UNC79: variants seen among roughly 807,000 people sequenced by gnomAD.
The protein encoded by UNC79 is protein unc-79 homolog.
In UNC79, 37 loss-of-function variants were observed where a neutral mutation model predicts 283.1. The ratio of observed to expected loss-of-function variants is 0.13; its 90% confidence interval spans 0.10 to 0.17. The LOEUF (loss-of-function observed/expected upper bound fraction) is 0.17. UNC79 is among the 10% of genes least tolerant of loss of function. The pLI, the probability that UNC79 is intolerant of heterozygous loss-of-function variation, is 1.00. For synonymous variants in UNC79, 1,107 were observed against 1,200.2 expected (o/e 0.92, Z 1.61); for missense variants, 2,272 against 3,211.1 (o/e 0.71, Z 7.07).
chr14:93,677,781 C>G (rs1416000974), intron 41 of UNC79, among the ~76,000 whole-genome samples: 1 of 152,164 alleles, frequency 6.6e-6, no homozygotes, highest in African/African-American at 2.4e-5. Flanking sequence ...TCCTGAGTAG[C>G]TGGGACTACA....
At chr14:93,357,675 CCATATA>C (rs1379095011) in intron 1 of UNC79, among the ~76,000 whole-genome samples, 4 of 37,408 alleles carry the variant, frequency 1.1e-4, no homozygotes, top group African/African-American at 1.7e-4. Context: ...TAATAAACTC[CCATATA>C]TATATATATA....
At chr14:93,585,252 G>A (rs539204781) in intron 20 of UNC79, among the ~76,000 whole-genome samples, 1 of 152,152 alleles carries the variant, frequency 6.6e-6, no homozygotes, top group African/African-American at 2.4e-5. Flanking sequence ...TGCTCTGCAG[G>A]CCTTAAGACC....
At chr14:93,504,947 A>G (rs1343527518) in intron 7 of UNC79, among the ~76,000 whole-genome samples, 1 of 151,956 alleles carries the variant, frequency 6.6e-6, no homozygotes, top group African/African-American at 2.4e-5. Flanking sequence ...TCTTTGACCC[A>G]TGGGTCATTT....
intron 1 of UNC79, chr14:93,464,677 A>G: frequency 2.3e-6 from 1 of 442,958 alleles, no homozygotes; most frequent in South Asian, 1.6e-5. Flanking sequence ...TAGAAGAAGG[A>G]GCTTACTAGA....
At chr14:93,408,528 G>A (rs7143427) in intron 1 of UNC79, among the ~76,000 whole-genome samples, 107,439 of 152,020 alleles carry the variant, frequency 0.71, 38,436 homozygotes, top group Middle Eastern at 0.78. Context: ...CCCTGTCTCT[G>A]CAAAAAATAA....
At chr14:93,589,850 G>T (rs1309707489) in intron 22 of UNC79, among the ~76,000 whole-genome samples, 1 of 152,088 alleles carries the variant, frequency 6.6e-6, no homozygotes, top group African/African-American at 2.4e-5. Flanking sequence ...ATCACTTAAG[G>T]CCAGGAGTTT....
At chr14:93,376,515 T>C (rs2139978028) in intron 1 of UNC79, among the ~76,000 whole-genome samples, 1 of 152,296 alleles carries the variant, frequency 6.6e-6, no homozygotes, top group East Asian at 1.9e-4. Context: ...TAGCTATGTG[T>C]GTGTGTATGT....
intron 1 of UNC79, among the ~76,000 whole-genome samples, chr14:93,345,471 A>C (rs925792857): frequency 3.9e-5 from 6 of 152,262 alleles, no homozygotes; most frequent in African/African-American, 1.4e-4. Flanking sequence ...AACTTTTTAA[A>C]AGTTCAGATT....
At chr14:93,394,527 C>G (rs1350970130) in intron 1 of UNC79, among the ~76,000 whole-genome samples, 1 of 151,642 alleles carries the variant, frequency 6.6e-6, no homozygotes, top group Non-Finnish European at 1.5e-5. Context: ...TCTCCTGCCT[C>G]AGCCTCCTGA....
At chr14:93,362,724 T>G (rs956764310) in intron 1 of UNC79, among the ~76,000 whole-genome samples, 4 of 152,238 alleles carry the variant, frequency 2.6e-5, no homozygotes, top group Non-Finnish European at 4.4e-5. Flanking sequence ...GGAGGTTGTC[T>G]GTTTCCAGGA....
chr14:93,448,233 G>T, intron 1 of UNC79, among the ~76,000 whole-genome samples: 2 of 141,964 alleles, frequency 1.4e-5, no homozygotes, highest in Non-Finnish European at 1.5e-5. Context: ...ACTTTCTATT[G>T]GTCTGTTTTC....
At chr14:93,451,750 G>A (rs76423751) in intron 1 of UNC79, among the ~76,000 whole-genome samples, 2,967 of 152,198 alleles carry the variant, frequency 0.019, 52 homozygotes, top group South Asian at 0.075. Flanking sequence ...TGTTGCTGCC[G>A]TTTCTGTGCC....
At chr14:93,368,943 A>G (rs1292408037) in intron 1 of UNC79, among the ~76,000 whole-genome samples, 1 of 152,218 alleles carries the variant, frequency 6.6e-6, no homozygotes, top group African/African-American at 2.4e-5. Context: ...AAGGCATTCA[A>G]TGTTTATTTA....
chr14:93,623,336 A>G (rs937877359), intron 30 of UNC79, among the ~76,000 whole-genome samples: 1 of 152,244 alleles, frequency 6.6e-6, no homozygotes, highest in Admixed American at 6.5e-5. Context: ...GATTGTAGAT[A>G]CTAACCAAAT....
chr14:93,466,718 G>T (rs760128766), intron 1 of UNC79, among the ~76,000 whole-genome samples: 2 of 152,128 alleles, frequency 1.3e-5, no homozygotes, highest in Non-Finnish European at 2.9e-5. Context: ...CACCTAAAAG[G>T]CTCCCTTAAA....
chr14:93,462,707 G>A (rs374060405), intron 1 of UNC79, among the ~76,000 whole-genome samples: 1 of 152,182 alleles, frequency 6.6e-6, no homozygotes, highest in East Asian at 1.9e-4. Flanking sequence ...GTAATGGATT[G>A]GATTAGAGGA....
intron 32 of UNC79, 158 bp downstream of exon 35, chr14:93,637,457 C>A: frequency 1.5e-6 from 2 of 1,302,376 alleles, no homozygotes; most frequent in Non-Finnish European, 2.1e-6. Flanking sequence ...TGCGTGACAT[C>A]TCATCTTTGA....
chr14:93,654,510 G>A (rs1010663067), intron 37 of UNC79, among the ~76,000 whole-genome samples: 2 of 151,208 alleles, frequency 1.3e-5, no homozygotes, highest in African/African-American at 2.4e-5. Context: ...CATTACACTC[G>A]CAACGGAGCG....
chr14:93,420,968 G>T (rs2055585465), intron 1 of UNC79, among the ~76,000 whole-genome samples: 2 of 151,774 alleles, frequency 1.3e-5, no homozygotes, highest in East Asian at 3.9e-4. Context: ...TATGAAGATG[G>T]AAGTTCCCAG....
Sources: gnomAD v4.1 joint callset for allele counts (sites outside exome capture counted in the v4.1 genomes callset) on GRCh38, gnomAD v4.1.1 for gene constraint, MANE v1.5 for transcripts, NCBI Gene and HGNC (gene_info 2026-07-23, HGNC 2026-07-21) for gene names.